Variants in CYTH1 observed in about 807,000 individuals in gnomAD.
CYTH1 encodes the protein cytohesin 1.
A neutral mutation model predicts 61.8 loss-of-function variants in CYTH1; 18 were observed. The observed-to-expected ratio is 0.29, with a 90% confidence interval of 0.20 to 0.43. CYTH1 has a LOEUF of 0.43. Among genes scored for constraint, CYTH1 ranks in the 20% least tolerant of loss-of-function variants. The pLI, the probability that CYTH1 is intolerant of heterozygous loss-of-function variation, is 1.00. For missense variants in CYTH1, 336 were observed against 510.5 expected, an observed-to-expected ratio of 0.66 and a Z score of 3.29; for synonymous variants, 174 against 184.3, an observed-to-expected ratio of 0.94 and a Z score of 0.45.
rs371528454 is a variant in CYTH1 at position 78,728,046 on chromosome 17, T to A, written c.23-18314A>T. The stretch of plus-strand genomic sequence containing the variant: ...TCCACGACAAATGGATGCCCACCTC[T>A]AGGTGGCACGATATAGTCAGTTTCT... On this transcript the variant is annotated intron_variant, in intron 1 of 13. Coordinates refer to ENST00000446868, the MANE Select transcript of CYTH1 (RefSeq NM_004762.6). 1.8e-4 allele frequency: 32 copies of A among 181,638 alleles called. 1 individual carries two copies. In the South Asian group the frequency reaches 2.7e-3, roughly 15 times the overall value. The allele number at this position is 181,638 out of a possible 1,614,324, so 11.3% of individuals were successfully genotyped here.
intron 11 of CYTH1, among the ~76,000 whole-genome samples, chr17:78,682,176 A>G (rs2092771270): frequency 6.6e-6 from 1 of 152,138 alleles, no homozygotes; most frequent in Non-Finnish European, 1.5e-5. Context: ...TGTGCCATAT[A>G]GTGAACTTCC....
At chr17:78,727,613 A>G (rs1354420604) in intron 1 of CYTH1, 1 of 460,842 alleles carries the variant, frequency 2.2e-6, no homozygotes, top group East Asian at 7.1e-5. Context: ...CCAGCCTTCC[A>G]AGTCGCGGGA....
At chr17:78,692,140 A>G (rs1022819915) in intron 11 of CYTH1, among the ~76,000 whole-genome samples, 1 of 151,930 alleles carries the variant, frequency 6.6e-6, no homozygotes, top group Non-Finnish European at 1.5e-5. Context: ...TCCAAAACCC[A>G]TTTCTAGTGC....
chr17:78,685,939 C>G (rs192767448), intron 11 of CYTH1, among the ~76,000 whole-genome samples: 3 of 152,324 alleles, frequency 2.0e-5, no homozygotes, highest in African/African-American at 7.2e-5. Context: ...AGACACTTGG[C>G]TCCAAGTTCA....
chr17:78,779,227 CCT>C (rs1356225147), intron 1 of CYTH1, among the ~76,000 whole-genome samples: 1 of 151,788 alleles, frequency 6.6e-6, no homozygotes, highest in East Asian at 1.9e-4. Flanking sequence ...ACAGAGAAAC[CCT>C]GTCTCTACTA....
At chr17:78,730,524 G>C (rs1250631765) in intron 1 of CYTH1, among the ~76,000 whole-genome samples, 2 of 149,744 alleles carry the variant, frequency 1.3e-5, no homozygotes, top group African/African-American at 4.9e-5. Flanking sequence ...GGGCGACAGC[G>C]AGACTCCGTC....
chr17:78,766,848 T>C (rs997197466), intron 1 of CYTH1, among the ~76,000 whole-genome samples: 25 of 152,236 alleles, frequency 1.6e-4, no homozygotes, highest in African/African-American at 9.6e-5. Context: ...GCAGCCAGTA[T>C]AGAAAAAGCC....
At chr17:78,696,885 T>C (rs911326952) in intron 9 of CYTH1, 1 of 152,232 alleles carries the variant, frequency 6.6e-6, no homozygotes, top group African/African-American at 2.4e-5. Flanking sequence ...AGGTTTCCTT[T>C]CAACTCCATC....
At chr17:78,766,769 A>G (rs1432661895) in intron 1 of CYTH1, among the ~76,000 whole-genome samples, 4 of 152,188 alleles carry the variant, frequency 2.6e-5, no homozygotes, top group African/African-American at 9.7e-5. Flanking sequence ...AAAACAATGA[A>G]AAGACATAAA....
At chr17:78,705,670 G>A (rs543623932) in intron 3 of CYTH1, among the ~76,000 whole-genome samples, 3 of 152,274 alleles carry the variant, frequency 2.0e-5, no homozygotes, top group East Asian at 1.9e-4. Flanking sequence ...CTGAGTACCC[G>A]TATGGATGGA....
chr17:78,755,268 C>T (rs1344857333), intron 1 of CYTH1, among the ~76,000 whole-genome samples: 1 of 152,068 alleles, frequency 6.6e-6, no homozygotes, highest in Non-Finnish European at 1.5e-5. Flanking sequence ...CTCCGCCTCC[C>T]GGGTTCAAGC....
At chr17:78,756,878 T>C (rs2093403267) in intron 1 of CYTH1, among the ~76,000 whole-genome samples, 1 of 151,402 alleles carries the variant, frequency 6.6e-6, no homozygotes, top group Non-Finnish European at 1.5e-5. Flanking sequence ...GCTGAGAGGT[T>C]AGGAACACAA....
intron 3 of CYTH1, among the ~76,000 whole-genome samples, chr17:78,704,990 A>G (rs2093050745): frequency 6.6e-6 from 1 of 152,192 alleles, no homozygotes; most frequent in African/African-American, 2.4e-5. Flanking sequence ...GTATCTAGAA[A>G]TTCCTATTTA....
intron 1 of CYTH1, among the ~76,000 whole-genome samples, chr17:78,775,820 G>C (rs769068158): frequency 6.6e-6 from 1 of 152,186 alleles, no homozygotes; most frequent in African/African-American, 2.4e-5. Context: ...TAATGAACAT[G>C]ATAGACTCCA....
chr17:78,764,618 T>C (rs749683519), intron 1 of CYTH1, among the ~76,000 whole-genome samples: 1 of 151,992 alleles, frequency 6.6e-6, no homozygotes, highest in Non-Finnish European at 1.5e-5. Context: ...CCCAAAATAA[T>C]GGAAGAATGA....
At position 78,692,420 on chromosome 17, in the gene CYTH1, G is replaced by C. The variant is rs1202446387; in HGVS notation, c.888C>G (p.Thr296=). The change falls in exon 11 of 14, where the codon ACC becomes ACG. Residue 296 remains threonine, a synonymous_variant. Transcript: ENST00000446868. ...AGGCCGACTAGCAGGTGCTCACCGT[G>C]GTATACTCAAAGTAGTAAAGGCAGT... ...TDNCLYYFEY[T]TDKEPRGIIP... 2 of 1,613,984 alleles carry C rather than the reference G, an allele frequency of 1.2e-6. No homozygotes were observed. The highest frequency in any genetic ancestry group is 1.7e-6 in the Non-Finnish European group (2 of 1,179,972).
chr17:78,771,941 G>A (rs2093473104), intron 1 of CYTH1, among the ~76,000 whole-genome samples: 1 of 152,092 alleles, frequency 6.6e-6, no homozygotes, highest in African/African-American at 2.4e-5. Context: ...CACTGCTTTT[G>A]TGTTTTTCTG....
chr17:78,747,647 A>T (rs2093364690), intron 1 of CYTH1, among the ~76,000 whole-genome samples: 1 of 152,022 alleles, frequency 6.6e-6, no homozygotes, highest in East Asian at 1.9e-4. Context: ...TGCCTAATAC[A>T]TGGCCTTGTG....
chr17:78,726,906 T>A (rs1359844157), intron 1 of CYTH1, among the ~76,000 whole-genome samples: 1 of 152,190 alleles, frequency 6.6e-6, no homozygotes, highest in Admixed American at 6.5e-5. Flanking sequence ...TTTGCCCTAC[T>A]CCAACTCACA....
Sources: gnomAD v4.1 joint callset for allele counts (sites outside exome capture counted in the v4.1 genomes callset) on GRCh38, gnomAD v4.1.1 for gene constraint, MANE v1.5 for transcripts, NCBI Gene and HGNC (gene_info 2026-07-23, HGNC 2026-07-21) for gene names.